Variants in PIGN observed in about 807,000 individuals in gnomAD.
PIGN encodes phosphatidylinositol glycan anchor biosynthesis class N, also known as GPI ethanolamine phosphate transferase 1.
PIGN carries 117 observed loss-of-function variants against 125.4 expected under a neutral mutation model. The observed-to-expected ratio is 0.93, with a 90% CI of 0.80 to 1.09. The LOEUF is 1.09. Ranked by LOEUF, PIGN falls within the 50% of genes least tolerant of loss-of-function variation. PIGN has a pLI of 0.00. For missense variants in PIGN, 1,075 were observed against 1,094.9 expected (o/e 0.98, Z 0.26); for synonymous variants, 392 against 377.8 (o/e 1.04, Z -0.44).
intron 1 of PIGN, among the ~76,000 whole-genome samples, chr18:62,181,889 G>T (rs1179221339): frequency 6.6e-6 from 1 of 151,916 alleles, no homozygotes; most frequent in East Asian, 1.9e-4. Flanking sequence ...ATCATGCCCA[G>T]GTAATTTTGT....
chr18:62,059,104 G>A (rs1428651401), intron 30 of PIGN: 2 of 135,716 alleles, frequency 1.5e-5, no homozygotes, highest in African/African-American at 2.7e-5. Context: ...GAGTTGGGAA[G>A]ATCACTTCAG....
intron 10 of PIGN, among the ~76,000 whole-genome samples, chr18:62,144,698 T>A (rs564797101): frequency 4.6e-5 from 7 of 152,336 alleles, no homozygotes; most frequent in Admixed American, 3.3e-4. Flanking sequence ...GGTATAAATG[T>A]ATGGTGAATC....
chr18:62,120,577 A>G (rs185128364), intron 14 of PIGN, among the ~76,000 whole-genome samples: 4 of 152,206 alleles, frequency 2.6e-5, no homozygotes, highest in Admixed American at 6.5e-5. Flanking sequence ...ATTAAAATAT[A>G]TAACAATAAC....
chr18:62,141,460 T>A (rs1321818758), intron 11 of PIGN, among the ~76,000 whole-genome samples: 1 of 152,240 alleles, frequency 6.6e-6, no homozygotes, highest in East Asian at 1.9e-4. Flanking sequence ...TCTATCTCAC[T>A]GGCTCCTCCT....
intron 30 of PIGN, among the ~76,000 whole-genome samples, chr18:62,051,270 G>C (rs906722705): frequency 5.3e-5 from 8 of 152,210 alleles, no homozygotes; most frequent in African/African-American, 1.9e-4. Context: ...AGTTTCAGAA[G>C]GAATGGTACC....
At chr18:62,134,154 G>A (rs143276726) in intron 14 of PIGN, among the ~76,000 whole-genome samples, 1,607 of 151,970 alleles carry the variant, frequency 0.011, 45 homozygotes, top group East Asian at 0.069. Context: ...CAGCACTTTG[G>A]GAGGCCGAGG....
chr18:62,025,943 C>G (rs186907671), intron 23 of PIGN, among the ~76,000 whole-genome samples: 11 of 152,296 alleles, frequency 7.2e-5, no homozygotes, highest in Admixed American at 1.3e-4. Flanking sequence ...CTAAATTCCT[C>G]CAAGTTAATA....
chr18:62,057,746 T>C (rs1179483874), intron 30 of PIGN, among the ~76,000 whole-genome samples: 2 of 152,216 alleles, frequency 1.3e-5, no homozygotes, highest in Non-Finnish European at 2.9e-5. Context: ...CTCTATGAAT[T>C]CTCTCCTGAC....
chr18:62,045,815 G>GGA lies in PIGN; in HGVS notation c.*39_*40dup. 1 of 1,606,870 alleles carries GGA rather than the reference G, an allele frequency of 6.2e-7. No individual in the cohort carries two copies. Among genetic ancestry groups the GGA allele is most frequent in the Non-Finnish European group, 8.5e-7 (1 of 1,174,822 alleles). On this transcript the variant is annotated 3_prime_UTR_variant, in exon 31 of 31. Transcript: ENST00000640252. ...GCCTTGATGAGATTTTAGCTTAAAA[G>GGA]GAGAATCAGGATCCAGATGCTGAAT...
intron 23 of PIGN, among the ~76,000 whole-genome samples, chr18:62,022,266 A>G (rs1036087902): frequency 4.6e-5 from 7 of 152,230 alleles, no homozygotes; most frequent in African/African-American, 1.7e-4. Context: ...CCTGTCAAGG[A>G]GAGGTAACTT....
At chr18:62,059,261 T>C (rs1364475461) in intron 30 of PIGN, 5 of 146,692 alleles carry the variant, frequency 3.4e-5, no homozygotes, top group Non-Finnish European at 5.9e-5. Flanking sequence ...ATGAGATGAG[T>C]GAAGGAGTAC....
chr18:62,035,785 C>G (rs2030254062), intron 23 of PIGN, among the ~76,000 whole-genome samples: 1 of 150,706 alleles, frequency 6.6e-6, no homozygotes, highest in Non-Finnish European at 1.5e-5. Context: ...TGTTTGAAAA[C>G]CTATTTTTAA....
At chr18:62,098,759 C>A (rs2034317353) in intron 22 of PIGN, among the ~76,000 whole-genome samples, 1 of 152,116 alleles carries the variant, frequency 6.6e-6, no homozygotes, top group Non-Finnish European at 1.5e-5. Context: ...CCTCTAGAAC[C>A]TAGCTCTACC....
At chr18:62,131,024 T>A (rs1248212519) in intron 14 of PIGN, among the ~76,000 whole-genome samples, 1 of 152,096 alleles carries the variant, frequency 6.6e-6, no homozygotes, top group Non-Finnish European at 1.5e-5. Flanking sequence ...TAAATTTCAG[T>A]TTTGAAGCAG....
intron 30 of PIGN, among the ~76,000 whole-genome samples, chr18:62,067,284 C>G (rs2032577247): frequency 1.3e-5 from 2 of 152,202 alleles, no homozygotes; most frequent in Non-Finnish European, 2.9e-5. Context: ...CTAGGCTCCA[C>G]TCATTTCAAC....
At chr18:62,140,657 T>C (rs570620162) in intron 11 of PIGN, among the ~76,000 whole-genome samples, 178 bp from the exon 12 acceptor site, 1 of 152,238 alleles carries the variant, frequency 6.6e-6, no homozygotes, top group African/African-American at 2.4e-5. Context: ...TAGATGTATA[T>C]GAACCTATAA....
chr18:62,105,982 C>T (rs1016658211), intron 19 of PIGN, among the ~76,000 whole-genome samples: 4 of 152,082 alleles, frequency 2.6e-5, no homozygotes, highest in Non-Finnish European at 5.9e-5. Context: ...AGTACCAGGT[C>T]CATGACAAGT....
In PIGN at chr18:62,147,030, T is replaced by C. The variant is rs199555972; in HGVS notation, c.746A>G (p.Tyr249Cys). The C allele has an allele frequency of 7.4e-6, 12 of 1,611,812 alleles. No homozygotes were observed. Among genetic ancestry groups the C allele is most frequent in the East Asian group, 2.2e-5 (1 of 44,702 alleles). The change falls in exon 9 of 31, where the codon TAT (tyrosine) becomes TGT (cysteine). Residue 249 changes from tyrosine to cysteine, a missense_variant. Physicochemically the swap from Tyr to Cys is radical, Grantham distance 194 (BLOSUM62 -2). Coordinates refer to ENST00000640252, the MANE Select transcript of PIGN (RefSeq NM_176787.5). ...AAATGTTGTTTTCCCATCATTTCCA[T>C]AGAAGTGGTTAAACATAGACACGAT... ...KEIVSMFNHF[Y>C]GNDGKTTFIF...
chr18:62,079,528 C>A (rs1306809756), intron 28 of PIGN, among the ~76,000 whole-genome samples: 6 of 151,954 alleles, frequency 3.9e-5, no homozygotes, highest in African/African-American at 1.4e-4. Context: ...TCATAGAATA[C>A]AAAAAATCTG....
Sources: gnomAD v4.1 joint callset for allele counts (sites outside exome capture counted in the v4.1 genomes callset) on GRCh38, gnomAD v4.1.1 for gene constraint, MANE v1.5 for transcripts, NCBI Gene and HGNC (gene_info 2026-07-23, HGNC 2026-07-21) for gene names.